ANKS1B: variants seen among roughly 807,000 people sequenced by gnomAD.
ANKS1B encodes ankyrin repeat and sterile alpha motif domain-containing protein 1B.
In ANKS1B, 36 loss-of-function variants were observed where a neutral mutation model predicts 148.3. The ratio of observed to expected loss-of-function variants is 0.24; its 90% CI spans 0.19 to 0.32. The LOEUF (loss-of-function observed/expected upper bound fraction) is 0.32. Ranked by LOEUF, ANKS1B falls within the 10% of genes least tolerant of loss-of-function variation. ANKS1B has a pLI of 1.00. For synonymous variants in ANKS1B, 542 were observed against 560.8 expected (o/e 0.97, Z 0.47); for missense variants, 1,157 against 1,542.6 (o/e 0.75, Z 4.19).
At chr12:98,897,763 A>C (rs535602382) in intron 17 of ANKS1B, among the ~76,000 whole-genome samples, 1 of 152,350 alleles carries the variant, frequency 6.6e-6, no homozygotes, top group Non-Finnish European at 1.5e-5. Context: ...AGACACCTGC[A>C]CTTGTATGTT....
intron 19 of ANKS1B, among the ~76,000 whole-genome samples, chr12:98,818,706 AATGTTGTTCTTT>A (rs2153655461): frequency 6.6e-6 from 1 of 152,318 alleles, no homozygotes; most frequent in Non-Finnish European, 1.5e-5. Context: ...TTTGCAAAGT[AATGTTGTTCTTT>A]GTAACATCTC....
chr12:99,598,048 G>T (rs1311180600), intron 9 of ANKS1B, among the ~76,000 whole-genome samples: 1 of 151,992 alleles, frequency 6.6e-6, no homozygotes, highest in African/African-American at 2.4e-5. Flanking sequence ...TATTCTTAAG[G>T]CCCTACCAAG....
intron 12 of ANKS1B, among the ~76,000 whole-genome samples, chr12:99,360,881 C>G (rs11834482): frequency 0.14 from 21,057 of 152,024 alleles, 1,578 homozygotes; most frequent in African/African-American, 0.18. Context: ...CACATTCTCA[C>G]TTATTTGTGG....
chr12:99,153,435 G>A (rs2075450366), intron 15 of ANKS1B, among the ~76,000 whole-genome samples: 1 of 152,148 alleles, frequency 6.6e-6, no homozygotes, highest in African/African-American at 2.4e-5. Flanking sequence ...TTAAAAGCAA[G>A]GAAAGGTAAT....
intron 8 of ANKS1B, among the ~76,000 whole-genome samples, chr12:99,703,298 C>T (rs2055168788): frequency 6.6e-6 from 1 of 152,132 alleles, no homozygotes; most frequent in South Asian, 2.1e-4. Context: ...GATACAAATG[C>T]ATTGACTCTG....
intron 8 of ANKS1B, among the ~76,000 whole-genome samples, chr12:99,718,440 C>T (rs1452926776): frequency 2.0e-5 from 3 of 152,140 alleles, no homozygotes; most frequent in Non-Finnish European, 4.4e-5. Flanking sequence ...ATGCACCCCT[C>T]ACCATCTCAC....
chr12:99,660,879 G>C (rs1007401516), intron 8 of ANKS1B, among the ~76,000 whole-genome samples: 1 of 152,010 alleles, frequency 6.6e-6, no homozygotes, highest in East Asian at 1.9e-4. Context: ...AATCTGGCAG[G>C]CCAGGTCTCA....
chr12:99,382,454 G>A (rs2093677385), intron 12 of ANKS1B, among the ~76,000 whole-genome samples: 1 of 152,094 alleles, frequency 6.6e-6, no homozygotes, highest in Admixed American at 6.5e-5. Context: ...TGTAATCCCA[G>A]CACTTTGGGA....
At chr12:99,327,245 TTTA>T (rs1246570981) in intron 12 of ANKS1B, among the ~76,000 whole-genome samples, 13 of 109,038 alleles carry the variant, frequency 1.2e-4, no homozygotes, top group African/African-American at 4.8e-4. Context: ...ATAATTATAA[TTTA>T]TTATAATTAT....
At chr12:99,021,148 C>G (rs1053454913) in intron 17 of ANKS1B, among the ~76,000 whole-genome samples, 1 of 152,086 alleles carries the variant, frequency 6.6e-6, no homozygotes, top group Non-Finnish European at 1.5e-5. Flanking sequence ...AGTCTCAACA[C>G]TAGTCAGTGT....
Position 99,536,879 on chromosome 12 carries a change from T to A in ANKS1B, c.1273-32238A>T, listed in dbSNP as rs531084165. ...TTTTTTCTAAGTACTTTTGTACCCA[T>A]TAACCCTCCCCACCTTAACCACAAA... On this transcript the variant is annotated intron_variant, in intron 9 of 26. Transcript: ENST00000683438. Among the ~76,000 whole-genome samples the A allele has an allele frequency of 1.9e-4, 29 of 152,252 alleles. No homozygotes were observed. The South Asian group carries it at 6.0e-3, about 32-fold the overall frequency.
intron 12 of ANKS1B, among the ~76,000 whole-genome samples, chr12:99,347,234 A>T (rs1360106449): frequency 6.6e-6 from 1 of 152,046 alleles, no homozygotes; most frequent in Non-Finnish European, 1.5e-5. Context: ...CGCCCATGAG[A>T]CAAAGAATAT....
At chr12:99,145,133 T>C (rs1437283244) in intron 15 of ANKS1B, among the ~76,000 whole-genome samples, 1 of 152,090 alleles carries the variant, frequency 6.6e-6, no homozygotes, top group Non-Finnish European at 1.5e-5. Context: ...GAGAAGTATG[T>C]ACAAGGTGTC....
At chr12:99,026,619 A>G (rs1159808820) in intron 17 of ANKS1B, among the ~76,000 whole-genome samples, 1 of 11,458 alleles carries the variant, frequency 8.7e-5, no homozygotes, top group African/African-American at 1.0e-4. Context: ...TGCATTAAAA[A>G]TTAAAAAAAA....
chr12:98,962,484 AC>A (rs1431556788), intron 17 of ANKS1B, among the ~76,000 whole-genome samples: 3 of 151,748 alleles, frequency 2.0e-5, no homozygotes, highest in Non-Finnish European at 4.4e-5. Context: ...AGAAAGATAG[AC>A]CTGAATACAA....
intron 17 of ANKS1B, among the ~76,000 whole-genome samples, chr12:98,980,881 C>A (rs2099909164): frequency 6.6e-6 from 1 of 152,180 alleles, no homozygotes; most frequent in Admixed American, 6.5e-5. Context: ...CATAAATTGC[C>A]TCCTGGAAGA....
chr12:99,870,941 C>T (rs12317866), intron 1 of ANKS1B, among the ~76,000 whole-genome samples: 30,679 of 151,908 alleles, frequency 0.2, 3,184 homozygotes, highest in African/African-American at 0.24. Flanking sequence ...AGGTCCTACT[C>T]GTCAATTTTT....
intron 14 of ANKS1B, among the ~76,000 whole-genome samples, chr12:99,217,043 G>A (rs929036128): frequency 6.6e-6 from 1 of 152,132 alleles, no homozygotes; most frequent in African/African-American, 2.4e-5. Flanking sequence ...CAGAAGAGCA[G>A]GACAAAAATA....
chr12:99,258,744 C>T (rs1427795301), intron 12 of ANKS1B, among the ~76,000 whole-genome samples: 1 of 151,292 alleles, frequency 6.6e-6, no homozygotes, highest in Non-Finnish European at 1.5e-5. Flanking sequence ...AAGTGTGAGT[C>T]AAACAAGTAA....
Sources: gnomAD v4.1 joint callset for allele counts (sites outside exome capture counted in the v4.1 genomes callset) on GRCh38, gnomAD v4.1.1 for gene constraint, MANE v1.5 for transcripts, NCBI Gene and HGNC (gene_info 2026-07-23, HGNC 2026-07-21) for gene names.